The following TTC7A variants were observed in gnomAD, a reference collection of about 807,000 sequenced individuals.
TTC7A encodes the protein tetratricopeptide repeat domain 7A.
Under a neutral mutation model 103.7 loss-of-function variants are expected in TTC7A, and 110 were observed. That is an observed-to-expected ratio of 1.06 (90% CI 0.91 to 1.24). The LOEUF (loss-of-function observed/expected upper bound fraction) is 1.24, where lower values mean the gene tolerates loss of function less well. Ranked by LOEUF, TTC7A falls within the 50% of genes most tolerant of loss-of-function variation. The probability of loss-of-function intolerance (pLI) is 0.00; values close to 1 mark genes in which losing one functional copy is unlikely to be tolerated. For synonymous variants in TTC7A, 521 were observed against 467.9 expected (o/e 1.11, Z -1.47); for missense variants, 1,340 against 1,116.3 (o/e 1.20, Z -2.86).
chr2:46,940,593 C>G (rs1670244751), upstream of TTC7A, among the ~76,000 whole-genome samples: 1 of 152,224 alleles, frequency 6.6e-6, no homozygotes, highest in Non-Finnish European at 1.5e-5. This position sits in a 1 kb window ranked among gnomAD's most constrained non-coding sequence, Gnocchi z 4.7. Flanking sequence ...GGTGAAACAG[C>G]CTAAAGCCTT....
At chr2:46,928,804 A>T (rs1669539227) in intron 2 of TTC7A, among the ~76,000 whole-genome samples, 1 of 151,962 alleles carries the variant, frequency 6.6e-6, no homozygotes, top group Non-Finnish European at 1.5e-5. Context: ...AATCATATAA[A>T]GTTTACTCAC....
intron 16 of TTC7A, among the ~76,000 whole-genome samples, chr2:47,047,928 C>G (rs1682493587): frequency 6.6e-6 from 1 of 152,184 alleles, no homozygotes; most frequent in Non-Finnish European, 1.5e-5. Flanking sequence ...GATATTGGAT[C>G]CAGGCTCCTG....
intron 15 of TTC7A, among the ~76,000 whole-genome samples, chr2:47,034,664 A>T (rs1021796804): frequency 1.3e-5 from 2 of 152,134 alleles, no homozygotes; most frequent in Non-Finnish European, 2.9e-5. Context: ...CTGGTTTTGA[A>T]AGCCCAGGCC....
chr2:47,065,160 G>A (rs999283511), intron 19 of TTC7A, among the ~76,000 whole-genome samples: 27 of 152,280 alleles, frequency 1.8e-4, no homozygotes, highest in African/African-American at 6.3e-4. Context: ...GGTGGTGGGC[G>A]CCTGTAGTCC....
upstream of TTC7A, chr2:46,915,960 G>A (rs1024628156): frequency 1.0e-6 from 1 of 985,444 alleles, no homozygotes; most frequent in Non-Finnish European, 1.2e-6. Context: ...AGCACTGGCG[G>A]GACTGACGCA....
chr2:46,959,461 G>A (rs1017325903), intron 3 of TTC7A, among the ~76,000 whole-genome samples: 5 of 152,176 alleles, frequency 3.3e-5, no homozygotes, highest in African/African-American at 4.8e-5. Flanking sequence ...GCTGGAGGAG[G>A]AGGACAGGGC....
At chr2:46,950,885 C>T (rs1418706938) in intron 2 of TTC7A, among the ~76,000 whole-genome samples, 1 of 152,278 alleles carries the variant, frequency 6.6e-6, no homozygotes, top group South Asian at 2.1e-4. Flanking sequence ...TTACCTTTTT[C>T]AGTGTGACTA....
chr2:47,014,583 C>T (rs1678437727), intron 11 of TTC7A, among the ~76,000 whole-genome samples: 1 of 152,214 alleles, frequency 6.6e-6, no homozygotes, highest in Non-Finnish European at 1.5e-5. Flanking sequence ...TCCTGAGGCT[C>T]ACAGTGAAAA....
At chr2:46,985,946 T>C (rs1674965841) in intron 5 of TTC7A, among the ~76,000 whole-genome samples, 1 of 152,184 alleles carries the variant, frequency 6.6e-6, no homozygotes, top group Non-Finnish European at 1.5e-5. Flanking sequence ...CTATACATTG[T>C]AGGTTTTAGC....
At chr2:47,025,535 C>G (rs1027418317) in intron 14 of TTC7A, among the ~76,000 whole-genome samples, 4 of 152,294 alleles carry the variant, frequency 2.6e-5, no homozygotes, top group African/African-American at 9.6e-5. Flanking sequence ...CACAGTTACT[C>G]TCAGTGCTGG....
chr2:47,057,534 A>G lies in TTC7A; in HGVS notation c.2153-3235A>G, dbSNP rs138029698. ...GGGAGGGACAAGGGGCAGCCTCTGGAGACAGCGCAGCAAGTTGTAAACAGC... is the reference window on the plus strand; with the variant it reads ...GGGAGGGACAAGGGGCAGCCTCTGGGGACAGCGCAGCAAGTTGTAAACAGC... On this transcript the variant is annotated intron_variant, in intron 18 of 19. Coordinates refer to ENST00000319190, the MANE Select transcript of TTC7A (RefSeq NM_020458.4). 8.5e-3 allele frequency among the ~76,000 whole-genome samples: 1,292 copies of G among 152,306 alleles called. 22 individuals are homozygous for G. Among genetic ancestry groups the G allele is most frequent in the African/African-American group, 0.03 (1,236 of 41,554 alleles).
At chr2:47,015,714 G>C (rs1179457821) in intron 11 of TTC7A, among the ~76,000 whole-genome samples, 1 of 152,188 alleles carries the variant, frequency 6.6e-6, no homozygotes, top group Non-Finnish European at 1.5e-5. Context: ...CTTGAAAATA[G>C]CAGGCACACA....
intron 18 of TTC7A, among the ~76,000 whole-genome samples, chr2:47,059,379 A>G (rs1460753059): frequency 1.3e-5 from 2 of 152,026 alleles, no homozygotes; most frequent in Non-Finnish European, 2.9e-5. Context: ...TGCTGTCAGG[A>G]TTAATGAGAA....
At chr2:47,068,492 G>A (rs1050531159) in intron 19 of TTC7A, 8 of 152,044 alleles carry the variant, frequency 5.3e-5, no homozygotes, top group Non-Finnish European at 8.8e-5. Flanking sequence ...TGTGACCTCT[G>A]ATGAGATGAT....
chr2:46,996,566 G>T (rs901817369), intron 8 of TTC7A, among the ~76,000 whole-genome samples: 1 of 152,236 alleles, frequency 6.6e-6, no homozygotes, highest in Admixed American at 6.5e-5. Flanking sequence ...CAGAGGGATT[G>T]CATCCTGCCT....
At position 46,994,291 on chromosome 2, in the gene TTC7A, G is replaced by A. The variant is rs77587199; in HGVS notation, c.844-66G>A. 75 of 1,547,254 alleles carry A rather than the reference G, an allele frequency of 4.8e-5. 2 individuals carry two copies. The Middle Eastern group carries it at 1.1e-3, about 24-fold the overall frequency. On this transcript the variant is annotated intron_variant, in intron 6 of 19. Coordinates refer to ENST00000319190, the MANE Select transcript of TTC7A (RefSeq NM_020458.4). ...GATTTAGCTGGGATGGGCAGAGGGC[G>A]TTCTAGGTCATGCTGGGGTAGAGCT...
At chr2:47,026,323 C>T (rs1679911027) in intron 14 of TTC7A, among the ~76,000 whole-genome samples, 1 of 152,182 alleles carries the variant, frequency 6.6e-6, no homozygotes, top group Non-Finnish European at 1.5e-5. Context: ...TTAGGGCCAC[C>T]GACAAGCCGA....
At position 47,050,069 on chromosome 2, in the gene TTC7A, A is replaced by G. The variant is rs3816065; in HGVS notation, c.2017+23A>G. The G allele has an allele frequency of 0.41, 653,963 of 1,587,226 alleles. 144,175 individuals carry two copies. Among genetic ancestry groups the G allele is most frequent in the African/African-American group, 0.76 (56,496 of 74,392 alleles). ...CTGGTAAGAACGAGCTCCTTGGGCC[A>G]CTGTGTGCATGGACCCACAGCTCAC... On this transcript the variant is annotated intron_variant, in intron 17 of 19. Transcript: ENST00000319190.
intron 10 of TTC7A, among the ~76,000 whole-genome samples, chr2:47,008,235 C>A (rs780403988): frequency 2.6e-5 from 4 of 152,180 alleles, no homozygotes; most frequent in African/African-American, 9.7e-5. Context: ...AGCAGTGGTT[C>A]GCACCCTTCT....
Sources: allele counts gnomAD v4.1 joint callset (sites outside exome capture counted in the v4.1 genomes callset), GRCh38; gene constraint gnomAD v4.1.1; non-coding constraint Gnocchi (gnomAD v3.1); transcripts MANE v1.5; gene names NCBI Gene and HGNC (gene_info 2026-07-23, HGNC 2026-07-21).